MACROD2: variants seen among roughly 807,000 people sequenced by gnomAD.
MACROD2 encodes mono-ADP ribosylhydrolase 2.
A neutral mutation model predicts 70.4 loss-of-function variants in MACROD2; 36 were observed. The observed-to-expected ratio is 0.51, with a 90% CI of 0.39 to 0.68. MACROD2 has a LOEUF of 0.68. MACROD2 is among the 30% of genes least tolerant of loss of function. The pLI, the probability that MACROD2 is intolerant of heterozygous loss-of-function variation, is 0.00. For synonymous variants in MACROD2, 172 were observed against 178.8 expected, an observed-to-expected ratio of 0.96 and a Z score of 0.30; for missense variants, 496 against 538.4, an observed-to-expected ratio of 0.92 and a Z score of 0.78.
chr20:14,663,810 C>T (rs2070705712), intron 4 of MACROD2, among the ~76,000 whole-genome samples: 2 of 152,020 alleles, frequency 1.3e-5, no homozygotes, highest in African/African-American at 2.4e-5. Flanking sequence ...TTTAGCTTTA[C>T]AGTTAAACTA....
intron 2 of MACROD2, among the ~76,000 whole-genome samples, chr20:14,064,090 G>T (rs2053725267): frequency 6.6e-6 from 1 of 152,192 alleles, no homozygotes; most frequent in South Asian, 2.1e-4. Context: ...AGGCATTTCA[G>T]TGCTTCTGTT....
chr20:15,531,146 G>A (rs934419595), intron 8 of MACROD2, among the ~76,000 whole-genome samples: 6 of 151,428 alleles, frequency 4.0e-5, no homozygotes, highest in Admixed American at 2.6e-4. Flanking sequence ...ATCGATAAAT[G>A]TATTTGTTGA....
At chr20:14,837,320 T>C (rs1475078761) in intron 5 of MACROD2, among the ~76,000 whole-genome samples, 2 of 152,100 alleles carry the variant, frequency 1.3e-5, no homozygotes, top group East Asian at 3.9e-4. Context: ...GGCAGGAAAT[T>C]GTTAAAAAAA....
At chr20:14,419,391 T>C (rs1025004438) in intron 3 of MACROD2, among the ~76,000 whole-genome samples, 4 of 152,204 alleles carry the variant, frequency 2.6e-5, no homozygotes, top group African/African-American at 9.6e-5. Flanking sequence ...TTATTAGGTA[T>C]CTTCTAAAGT....
intron 3 of MACROD2, among the ~76,000 whole-genome samples, chr20:14,438,799 T>A (rs2084087932): frequency 6.6e-6 from 1 of 152,230 alleles, no homozygotes; most frequent in South Asian, 2.1e-4. Flanking sequence ...TCTTTATAAG[T>A]CATGGATATT....
At chr20:14,688,536 T>A (rs1361651088) in intron 5 of MACROD2, among the ~76,000 whole-genome samples, 1 of 152,040 alleles carries the variant, frequency 6.6e-6, no homozygotes, top group Non-Finnish European at 1.5e-5. Flanking sequence ...ATCTTAAGGG[T>A]AGAAAGAATA....
chr20:14,246,059 C>T (rs1601395591), intron 3 of MACROD2, among the ~76,000 whole-genome samples: 1 of 152,294 alleles, frequency 6.6e-6, no homozygotes, highest in Middle Eastern at 3.4e-3. Flanking sequence ...TAAATTCTAG[C>T]TTGAAATTAT....
chr20:14,021,407 C>T (rs1213601210), intron 2 of MACROD2, among the ~76,000 whole-genome samples: 1 of 152,158 alleles, frequency 6.6e-6, no homozygotes, highest in Non-Finnish European at 1.5e-5. Context: ...ACTTTAAGAG[C>T]AGGGCCTGCT....
At chr20:14,780,361 G>A (rs1158422891) in intron 5 of MACROD2, among the ~76,000 whole-genome samples, 3 of 151,922 alleles carry the variant, frequency 2.0e-5, no homozygotes, top group Non-Finnish European at 4.4e-5. Context: ...TCAGGGGTTC[G>A]AGAGCAGCCT....
At chr20:14,501,528 G>T (rs1408712826) in intron 4 of MACROD2, among the ~76,000 whole-genome samples, 1 of 151,206 alleles carries the variant, frequency 6.6e-6, no homozygotes, top group Non-Finnish European at 1.5e-5. Flanking sequence ...TTCTTAACTG[G>T]ATACTCTTTT....
intron 5 of MACROD2, among the ~76,000 whole-genome samples, chr20:15,166,324 G>T (rs1217421786): frequency 6.6e-6 from 1 of 152,118 alleles, no homozygotes; most frequent in Admixed American, 6.6e-5. Flanking sequence ...GAGGCTTCAT[G>T]AGTGAGATGA....
At chr20:14,879,291 G>T (rs964758479) in intron 5 of MACROD2, among the ~76,000 whole-genome samples, 2 of 152,096 alleles carry the variant, frequency 1.3e-5, no homozygotes, top group South Asian at 4.1e-4. Flanking sequence ...TAAATTTAAT[G>T]TATGTCATCT....
chr20:16,022,047 C>CTTTTTTTTT lies in MACROD2; in HGVS notation c.1154-19141_1154-19133dup, dbSNP rs543662575. 3.7e-5 allele frequency among the ~76,000 whole-genome samples: 4 copies of CTTTTTTTTT among 108,940 alleles called. 1 individual carries two copies. Among genetic ancestry groups the CTTTTTTTTT allele is most frequent in the East Asian group, 2.8e-4 (1 of 3,626 alleles). 71.5% of individuals were successfully genotyped at this position (108,940 alleles called of 152,430 possible). ...AATACTGCTCCCAAAGTTTCAGTTT[C>CTTTTTTTTT]TTTTTTTTTTTTTTTTTTTTTGAGA... On this transcript the variant is annotated intron_variant, in intron 15 of 17. Transcript: ENST00000684519.
At chr20:15,879,849 C>A (rs1436014334) in intron 9 of MACROD2, among the ~76,000 whole-genome samples, 1 of 152,006 alleles carries the variant, frequency 6.6e-6, no homozygotes, top group Non-Finnish European at 1.5e-5. Flanking sequence ...GCCTGAGAAC[C>A]AATGGAACCA....
chr20:14,220,535 GT>G (rs1357827835), intron 3 of MACROD2, among the ~76,000 whole-genome samples: 1 of 152,126 alleles, frequency 6.6e-6, no homozygotes, highest in African/African-American at 2.4e-5. Context: ...CCTCCTTCCA[GT>G]TCTGGCCAGG....
chr20:14,938,619 A>G (rs532584055), intron 5 of MACROD2, among the ~76,000 whole-genome samples: 74 of 152,112 alleles, frequency 4.9e-4, no homozygotes, highest in African/African-American at 1.6e-3. Flanking sequence ...CAGCTCTACT[A>G]AAAAAACAAA....
intron 5 of MACROD2, among the ~76,000 whole-genome samples, chr20:15,147,660 C>G (rs967998453): frequency 1.3e-5 from 2 of 152,104 alleles, no homozygotes; most frequent in Admixed American, 1.3e-4. Flanking sequence ...TAATCATTGC[C>G]TCTGTCTGAG....
In MACROD2 at chr20:14,871,029, A is replaced by C. The variant is rs1006754459; in HGVS notation, c.418+186070A>C. Among the ~76,000 whole-genome samples the C allele has an allele frequency of 2.0e-5, 3 of 152,208 alleles. No individual in the cohort carries two copies. In the South Asian group the frequency reaches 6.2e-4, roughly 32 times the overall value. ...CATCATGAAATCTTTGCCCATTCCT[A>C]TGTCCTGAATGGTACTGGTATACTT... is the stretch of plus-strand genomic sequence containing the variant. On this transcript the variant is annotated intron_variant, in intron 5 of 17. Coordinates refer to ENST00000684519, the MANE Select transcript of MACROD2 (RefSeq NM_001351661.2).
intron 5 of MACROD2, among the ~76,000 whole-genome samples, chr20:14,956,789 G>A (rs969233597): frequency 4.6e-5 from 7 of 152,102 alleles, no homozygotes; most frequent in Admixed American, 4.6e-4. Flanking sequence ...CATTTAATTA[G>A]GGGGCAGTTG....
Sources: gnomAD v4.1 joint callset for allele counts (sites outside exome capture counted in the v4.1 genomes callset) on GRCh38, gnomAD v4.1.1 for gene constraint, MANE v1.5 for transcripts, NCBI Gene and HGNC (gene_info 2026-07-23, HGNC 2026-07-21) for gene names.